Variants in GPATCH1 observed in about 807,000 individuals in gnomAD.
GPATCH1 encodes the protein G patch domain-containing protein 1.
Under a neutral mutation model 114.9 loss-of-function variants are expected in GPATCH1, and 73 were observed. The observed-to-expected ratio is 0.64, with a 90% confidence interval of 0.53 to 0.77. The LOEUF is 0.77. Ranked by LOEUF, GPATCH1 falls within the 30% of genes least tolerant of loss-of-function variation. The probability of loss-of-function intolerance (pLI) is 0.00; values close to 1 mark genes in which losing one functional copy is unlikely to be tolerated. For synonymous variants in GPATCH1, 391 were observed against 428.4 expected, an observed-to-expected ratio of 0.91 and a Z score of 1.08; for missense variants, 1,058 against 1,144.3, an observed-to-expected ratio of 0.92 and a Z score of 1.09.
chr19:33,099,660 A>G (rs1357632202), intron 8 of GPATCH1, among the ~76,000 whole-genome samples: 1 of 150,790 alleles, frequency 6.6e-6, no homozygotes, highest in Admixed American at 6.6e-5. Context: ...GAGCAGTGGC[A>G]TGATCTCGGC....
chr19:33,108,310 C>T (rs1051862848), intron 10 of GPATCH1, among the ~76,000 whole-genome samples: 5 of 152,172 alleles, frequency 3.3e-5, no homozygotes, highest in African/African-American at 7.2e-5. Flanking sequence ...CCAGGCTCCC[C>T]ACGAGGCCCT....
Position 33,088,114 on chromosome 19 carries a change from T to A in GPATCH1, c.74-20T>A. On this transcript the variant is annotated intron_variant, in intron 1 of 19. Coordinates refer to ENST00000170564, the MANE Select transcript of GPATCH1 (RefSeq NM_018025.3). ...TCCTCTCTTTTTCATTTAAAAAACT[T>A]TTTTTTTTTTTTTTTTTAGGTGAAA... 5.7e-5 allele frequency: 11 copies of A among 191,400 alleles called. No homozygotes were observed. Among genetic ancestry groups the A allele is most frequent in the Non-Finnish European group, 5.8e-5 (9 of 154,058 alleles). The allele number at this position is 191,400 out of a possible 1,614,324, so 11.9% of individuals were successfully genotyped here.
chr19:33,104,068 G>A (rs1026925958), intron 9 of GPATCH1, among the ~76,000 whole-genome samples: 1 of 151,934 alleles, frequency 6.6e-6, no homozygotes, highest in Non-Finnish European at 1.5e-5. Context: ...GGTGGCTTAC[G>A]CCTGTAATCC....
intron 1 of GPATCH1, among the ~76,000 whole-genome samples, chr19:33,082,993 C>T (rs1398194134): frequency 6.6e-6 from 1 of 152,060 alleles, no homozygotes; most frequent in African/African-American, 2.4e-5. Context: ...AATCCCAGCA[C>T]TTTGGGAGGC....
At chr19:33,123,919 T>A (rs1568351449) in intron 17 of GPATCH1, among the ~76,000 whole-genome samples, 1 of 151,938 alleles carries the variant, frequency 6.6e-6, no homozygotes, top group Non-Finnish European at 1.5e-5. Context: ...TGTAGCACGA[T>A]CTCGGCTCAC....
At chr19:33,102,776 A>G (rs1209051019) in intron 9 of GPATCH1, among the ~76,000 whole-genome samples, 4 of 152,238 alleles carry the variant, frequency 2.6e-5, no homozygotes, top group South Asian at 4.1e-4. Context: ...TGAAATTGCT[A>G]TGATTCTAGG....
At chr19:33,090,996 G>A (rs974128440) in intron 3 of GPATCH1, 131 bp downstream of exon 3, 15 of 645,278 alleles carry the variant, frequency 2.3e-5, no homozygotes, top group Non-Finnish European at 3.6e-5. Context: ...TATCTTTTAG[G>A]TATTTGATGT....
intron 9 of GPATCH1, among the ~76,000 whole-genome samples, chr19:33,105,558 C>CT (rs1416461033): frequency 6.6e-6 from 1 of 151,976 alleles, no homozygotes; most frequent in Non-Finnish European, 1.5e-5. Context: ...GAGTCTCACT[C>CT]TGTCACCCAG....
intron 11 of GPATCH1, 56 bp downstream of exon 11, chr19:33,110,072 C>T: frequency 4.9e-6 from 7 of 1,414,842 alleles, no homozygotes; most frequent in Non-Finnish European, 6.8e-6. Context: ...CATATTCTCA[C>T]TGTTCTCATC....
intron 3 of GPATCH1, among the ~76,000 whole-genome samples, chr19:33,092,157 C>T (rs910941389): frequency 6.6e-6 from 1 of 151,998 alleles, no homozygotes; most frequent in Non-Finnish European, 1.5e-5. Context: ...AGTGATTCTC[C>T]TGCCTCAGCT....
chr19:33,081,227 C>G lies in GPATCH1; in HGVS notation c.34C>G (p.Leu12Val). ...AARDSDSEED[L>V]VSYGTGLEPL... ...GCGGGACAGTGACAGCGAAGAAGAT[C>G]TGGTCAGCTATGGGACCGGGCTGGA... The change falls in exon 1 of 20, where the codon CTG becomes GTG. Residue 12 changes from leucine to valine, a missense_variant. Physicochemically the swap from Leu to Val is conservative, Grantham distance 32 (BLOSUM62 1). This residue lies in a region of GPATCH1 where 131 missense variants were observed against 107.2 expected (regional missense o/e 1.22). Transcript: ENST00000170564. 6.4e-7 allele frequency: 1 copy of G among 1,551,806 alleles called. No individual in the cohort carries two copies. Among genetic ancestry groups the G allele is most frequent in the Non-Finnish European group, 8.7e-7 (1 of 1,147,066 alleles).
intron 1 of GPATCH1, among the ~76,000 whole-genome samples, chr19:33,084,940 C>T (rs959812803): frequency 3.3e-5 from 5 of 152,204 alleles, no homozygotes; most frequent in South Asian, 2.1e-4. Context: ...GAATTACAGG[C>T]GTGGGCCACT....
Position 33,109,720 on chromosome 19 carries a change from C to A in GPATCH1, c.1289C>A (p.Ser430Ter). 1 of 1,553,818 alleles carries A rather than the reference C, an allele frequency of 6.4e-7. No individual in the cohort carries two copies. Among genetic ancestry groups the A allele is most frequent in the South Asian group, 1.2e-5 (1 of 83,628 alleles). Residue 430 changes from serine to a stop codon, truncating the protein, a stop_gained, in exon 11 of 20, where the codon TCA becomes TAA. Transcript: ENST00000170564. LOFTEE classifies it high-confidence loss of function. ...TCTAATTACTGTTTTTATTTAGGTT[C>A]AGCTACTTCAGTGTTAGAATTTCTG... Reference protein sequence around the residue: ...ELLGETPIQGSATSVLEFLSQ... With the variant: ...ELLGETPIQG
At chr19:33,123,758 TAAAG>T (rs901764031) in intron 17 of GPATCH1, among the ~76,000 whole-genome samples, 1 of 151,128 alleles carries the variant, frequency 6.6e-6, no homozygotes, top group African/African-American at 2.4e-5. Context: ...AAAAAATAAA[TAAAG>T]AAATAGGACT....
chr19:33,096,541 T>C, intron 7 of GPATCH1, 95 bp downstream of exon 7: 3 of 1,050,330 alleles, frequency 2.9e-6, no homozygotes, highest in South Asian at 1.7e-5. Context: ...TTTTCTTTTT[T>C]TTTCCCCCTA....
At chr19:33,087,266 A>T (rs879752121) in intron 1 of GPATCH1, among the ~76,000 whole-genome samples, 4 of 152,036 alleles carry the variant, frequency 2.6e-5, no homozygotes, top group Non-Finnish European at 2.9e-5. Flanking sequence ...TTTATTTTTT[A>T]AAAAAATTTA....
intron 17 of GPATCH1, among the ~76,000 whole-genome samples, chr19:33,119,902 C>CA (rs1187733220): frequency 6.9e-6 from 1 of 144,348 alleles, no homozygotes; most frequent in African/African-American, 2.5e-5. Context: ...ATATAAAATA[C>CA]AAAATTATAT....
chr19:33,106,933 C>T, intron 10 of GPATCH1, 34 bp downstream of exon 10: 1 of 1,519,298 alleles, frequency 6.6e-7, no homozygotes. Flanking sequence ...AATCATTTCA[C>T]ATAATTCGAG....
chr19:33,084,959 C>A (rs1376002038), intron 1 of GPATCH1, among the ~76,000 whole-genome samples: 1 of 152,212 alleles, frequency 6.6e-6, no homozygotes, highest in Non-Finnish European at 1.5e-5. Context: ...CTGTGCCCAG[C>A]GACTTTGCCC....
Sources: gnomAD v4.1 joint callset for allele counts (sites outside exome capture counted in the v4.1 genomes callset) on GRCh38, gnomAD v4.1.1 for gene constraint, gnomAD v4.1.1 regional missense constraint, MANE v1.5 for transcripts, NCBI Gene and HGNC (gene_info 2026-07-23, HGNC 2026-07-21) for gene names.